Variants in NEDD4 observed in about 807,000 individuals in gnomAD.
NEDD4 encodes the protein NEDD4 E3 ubiquitin protein ligase.
NEDD4 carries 99 observed loss-of-function variants against 144.9 expected under a neutral mutation model. The ratio of observed to expected loss-of-function variants is 0.68; its 90% CI spans 0.58 to 0.81. The LOEUF (loss-of-function observed/expected upper bound fraction) is 0.81, where lower values mean the gene tolerates loss of function less well. NEDD4 is among the 30% of genes least tolerant of loss of function. The pLI, the probability that NEDD4 is intolerant of heterozygous loss-of-function variation, is 0.00. For missense variants in NEDD4, 985 were observed against 1,065.9 expected (o/e 0.92, Z 1.06); for synonymous variants, 318 against 350.6 (o/e 0.91, Z 1.04).
At chr15:55,966,337 C>T in intron 2 of NEDD4, 136 bp downstream of exon 2, 1 of 571,082 alleles carries the variant, frequency 1.8e-6, no homozygotes. Context: ...TAGTAAACCA[C>T]CAACTGGTAA....
At chr15:55,880,013 G>A (rs960495668) in intron 5 of NEDD4, among the ~76,000 whole-genome samples, 8 of 152,136 alleles carry the variant, frequency 5.3e-5, no homozygotes, top group African/African-American at 1.9e-4. Flanking sequence ...GGGCTGGCTG[G>A]GCATGGTGTC....
At chr15:55,860,958 A>G (rs767935791) in intron 9 of NEDD4, among the ~76,000 whole-genome samples, 180 bp from the exon 10 acceptor site, 24 of 152,220 alleles carry the variant, frequency 1.6e-4, no homozygotes, top group Non-Finnish European at 3.5e-4. Context: ...TGGTATATTT[A>G]GAGTACCTTA....
intron 4 of NEDD4, among the ~76,000 whole-genome samples, chr15:55,942,775 G>T (rs893918923): frequency 6.6e-6 from 1 of 152,236 alleles, no homozygotes; most frequent in African/African-American, 2.4e-5. Flanking sequence ...AAATGTGGAA[G>T]CAAGTTTAGA....
At position 55,840,484 on chromosome 15, in the gene NEDD4, A is replaced by T; in HGVS notation, c.1994T>A (p.Leu665His). 1.9e-6 allele frequency: 3 copies of T among 1,614,016 alleles called. No individual in the cohort carries two copies. Among genetic ancestry groups the T allele is most frequent in the Non-Finnish European group, 2.5e-6 (3 of 1,179,982 alleles). The stretch of plus-strand genomic sequence containing the variant: ...ATCATGAAGGGTTATTGGTTTGTGA[A>T]GCATCATCTTGTAAAATGGGCGGAT... Reference protein sequence around the residue: ...FFIRPFYKMMLHKPITLHDME... With the variant: ...FFIRPFYKMMHHKPITLHDME... Residue 665 changes from leucine to histidine, a missense_variant, in exon 21 of 29, where the codon CTT becomes CAT. By Grantham distance (99) the Leu-to-His change is moderately conservative. Coordinates refer to ENST00000435532, the MANE Select transcript of NEDD4 (RefSeq NM_006154.4).
At chr15:55,909,705 G>C (rs1449286149) in intron 5 of NEDD4, among the ~76,000 whole-genome samples, 2 of 152,170 alleles carry the variant, frequency 1.3e-5, no homozygotes, top group African/African-American at 4.8e-5. Flanking sequence ...GTGATGTAAA[G>C]GGAGAGTGGA....
intron 2 of NEDD4, among the ~76,000 whole-genome samples, chr15:55,960,099 A>T (rs2037401207): frequency 6.6e-6 from 1 of 152,148 alleles, no homozygotes; most frequent in Non-Finnish European, 1.5e-5. Context: ...ACCAGATTCA[A>T]CCTACTTGAC....
intron 2 of NEDD4, among the ~76,000 whole-genome samples, chr15:55,959,249 T>C (rs2037387654): frequency 6.6e-6 from 1 of 152,214 alleles, no homozygotes; most frequent in Non-Finnish European, 1.5e-5. Context: ...AATGTTTTCT[T>C]CTTTGACATA....
At chr15:55,875,260 AC>A (rs1460381055) in intron 5 of NEDD4, among the ~76,000 whole-genome samples, 1 of 152,174 alleles carries the variant, frequency 6.6e-6, no homozygotes, top group Non-Finnish European at 1.5e-5. Flanking sequence ...AAGATGGGGA[AC>A]CTCAGCAGTG....
chr15:55,895,598 A>C (rs763176423), intron 5 of NEDD4, among the ~76,000 whole-genome samples: 6 of 152,230 alleles, frequency 3.9e-5, no homozygotes, highest in Admixed American at 6.5e-5. Context: ...AAATCACCTG[A>C]TAGGCTATTT....
At position 55,902,844 on chromosome 15, in the gene NEDD4, G is replaced by C. The variant is rs186285409; in HGVS notation, c.291+21802C>G. 7.9e-5 allele frequency among the ~76,000 whole-genome samples: 12 copies of C among 152,084 alleles called. No individual in the cohort carries two copies. The East Asian group carries it at 1.7e-3, about 22-fold the overall frequency. On this transcript the variant is annotated intron_variant, in intron 5 of 28. Transcript: ENST00000435532. ...TTGGAAGACAAGGAAGGAAATATTT[G>C]AGAGAAATTAGGTCAGCATGGTGGC...
intron 4 of NEDD4, among the ~76,000 whole-genome samples, chr15:55,949,485 T>C (rs1249757637): frequency 6.6e-6 from 1 of 152,204 alleles, no homozygotes; most frequent in Non-Finnish European, 1.5e-5. Context: ...CATGCTGCTG[T>C]AAAGACACAT....
At chr15:55,896,508 C>A (rs1267954211) in intron 5 of NEDD4, among the ~76,000 whole-genome samples, 2 of 152,108 alleles carry the variant, frequency 1.3e-5, no homozygotes, top group Admixed American at 1.3e-4. Flanking sequence ...TAAAAATTTA[C>A]CTGATGATAC....
At chr15:55,910,549 C>G (rs2036239655) in intron 5 of NEDD4, among the ~76,000 whole-genome samples, 1 of 152,070 alleles carries the variant, frequency 6.6e-6, no homozygotes, top group Admixed American at 6.6e-5. Flanking sequence ...TATAATTTAT[C>G]TTCCCTTCCC....
intron 12 of NEDD4, among the ~76,000 whole-genome samples, chr15:55,853,508 G>A (rs190987057): frequency 6.6e-6 from 1 of 152,278 alleles, no homozygotes; most frequent in South Asian, 2.1e-4. Flanking sequence ...CTTGTTAAGC[G>A]ACATGGCTTC....
intron 12 of NEDD4, among the ~76,000 whole-genome samples, chr15:55,855,740 T>A (rs2034167775): frequency 6.6e-6 from 1 of 152,248 alleles, no homozygotes; most frequent in African/African-American, 2.4e-5. Flanking sequence ...AGTGCACGCC[T>A]GAGTGATGAA....
At chr15:55,885,021 G>C (rs1266524394) in intron 5 of NEDD4, among the ~76,000 whole-genome samples, 9 of 152,116 alleles carry the variant, frequency 5.9e-5, no homozygotes, top group African/African-American at 1.9e-4. Flanking sequence ...AACTCCCACA[G>C]GTCAGGGGTA....
Position 55,934,025 on chromosome 15 carries a change from C to T in NEDD4, c.238-9326G>A, listed in dbSNP as rs534519816. ...AAAATTAGCTGGGTGTGGTGGCACA[C>T]GCCTGTAATCCCAGCTACTTGGGAG... is the stretch of plus-strand genomic sequence containing the variant. On this transcript the variant is annotated intron_variant, in intron 4 of 28. Coordinates refer to ENST00000435532, the MANE Select transcript of NEDD4 (RefSeq NM_006154.4). Among the ~76,000 whole-genome samples the T allele has an allele frequency of 2.4e-4, 37 of 152,202 alleles. 1 individual carries two copies. Among genetic ancestry groups the T allele is most frequent in the Admixed American group, 1.1e-3 (17 of 15,284 alleles).
chr15:55,905,187 A>G, intron 5 of NEDD4: 1 of 419,176 alleles, frequency 2.4e-6, no homozygotes, highest in Non-Finnish European at 4.7e-6. Context: ...CTGTAAGTAA[A>G]TATCACTTTT....
At chr15:55,914,273 C>A (rs961735918) in intron 5 of NEDD4, among the ~76,000 whole-genome samples, 3 of 151,354 alleles carry the variant, frequency 2.0e-5, no homozygotes, top group Non-Finnish European at 4.4e-5. Context: ...TTTTTCCCCC[C>A]AAAACTATGA....
Sources: gnomAD v4.1 joint callset for allele counts (sites outside exome capture counted in the v4.1 genomes callset) on GRCh38, gnomAD v4.1.1 for gene constraint, MANE v1.5 for transcripts, NCBI Gene and HGNC (gene_info 2026-07-23, HGNC 2026-07-21) for gene names.